Variants in ANP32A observed in about 807,000 individuals in gnomAD.
ANP32A encodes the protein acidic leucine-rich nuclear phosphoprotein 32 family member A.
A neutral mutation model predicts 33.9 loss-of-function variants in ANP32A; 1 was observed. That is an observed-to-expected ratio of 0.03 (90% CI 0.01 to 0.14). The LOEUF (loss-of-function observed/expected upper bound fraction) is 0.14. ANP32A is among the 10% of genes least tolerant of loss of function. ANP32A has a pLI of 1.00. For missense variants in ANP32A, 155 were observed against 306.0 expected (o/e 0.51, Z 3.68); for synonymous variants, 115 against 120.5 (o/e 0.95, Z 0.30).
At chr15:68,806,924 G>A (rs1457350584) in intron 1 of ANP32A, among the ~76,000 whole-genome samples, 4 of 152,244 alleles carry the variant, frequency 2.6e-5, no homozygotes, top group African/African-American at 9.6e-5. Context: ...ATCTGCCATC[G>A]TCACAGAGCT....
In ANP32A at chr15:68,820,716, C is replaced by T; in HGVS notation, c.36G>A (p.Arg12=). ...EMGRRIHLEL[R]NRTPSDVKEL... is the part of the protein sequence containing the mutation. ...TGCTCACATCAGAGGGCGTCCTGTTCCGCAGCTCTAAATGAATCCGTCTGC... is the reference window on the plus strand; with the variant it reads ...TGCTCACATCAGAGGGCGTCCTGTTTCGCAGCTCTAAATGAATCCGTCTGC... The change falls in exon 1 of 7, where the codon CGG becomes CGA. Residue 12 remains arginine, a synonymous_variant. Coordinates refer to ENST00000465139, the MANE Select transcript of ANP32A (RefSeq NM_006305.4). 2 of 1,610,960 alleles carry T rather than the reference C, an allele frequency of 1.2e-6. No homozygotes were observed. The highest frequency in any genetic ancestry group is 2.2e-5 in the East Asian group (1 of 44,624).
chr15:68,794,562 T>C (rs569498383), intron 1 of ANP32A, among the ~76,000 whole-genome samples: 1 of 152,354 alleles, frequency 6.6e-6, no homozygotes, highest in South Asian at 2.1e-4. Context: ...GGGTTTTAAA[T>C]AGGTCAGCTT....
At chr15:68,812,561 G>A (rs1894327506) in intron 1 of ANP32A, among the ~76,000 whole-genome samples, 1 of 152,202 alleles carries the variant, frequency 6.6e-6, no homozygotes, top group Admixed American at 6.5e-5. Flanking sequence ...TTGACCCTCA[G>A]TGGAGAGGCC....
intron 1 of ANP32A, chr15:68,818,360 C>T: frequency 5.7e-6 from 1 of 176,364 alleles, no homozygotes; most frequent in Non-Finnish European, 1.3e-5. Context: ...CGGGGAGGGG[C>T]GCAGGGGGCG....
chr15:68,790,051 G>C (rs183024812), intron 1 of ANP32A: 1 of 152,522 alleles, frequency 6.6e-6, no homozygotes, highest in Admixed American at 6.5e-5. Flanking sequence ...GATGGAGGGA[G>C]AGTAACTGTG....
chr15:68,818,266 C>A, intron 1 of ANP32A: 1 of 274,718 alleles, frequency 3.6e-6, no homozygotes, highest in Non-Finnish European at 7.7e-6. Context: ...CCTATTTCGG[C>A]GTCGCGGCAT....
chr15:68,803,858 G>A (rs1894174664), intron 1 of ANP32A, among the ~76,000 whole-genome samples: 1 of 136,544 alleles, frequency 7.3e-6, no homozygotes, highest in South Asian at 2.3e-4. Flanking sequence ...CTGGAGTGCA[G>A]TGGCACAATC....
chr15:68,782,161 ACT>A (rs1460163019), intron 5 of ANP32A, among the ~76,000 whole-genome samples: 2 of 152,244 alleles, frequency 1.3e-5, no homozygotes, highest in Non-Finnish European at 2.9e-5. Flanking sequence ...ATAGAAAATG[ACT>A]CTGCTACAGA....
chr15:68,813,896 G>GT (rs1196690566), intron 1 of ANP32A, among the ~76,000 whole-genome samples: 3 of 139,672 alleles, frequency 2.1e-5, no homozygotes, highest in African/African-American at 8.0e-5. Flanking sequence ...TTGAGACGGA[G>GT]TCTCGCTTTG....
intron 4 of ANP32A, among the ~76,000 whole-genome samples, chr15:68,784,026 G>C (rs533547153): frequency 1.3e-5 from 2 of 152,284 alleles, no homozygotes; most frequent in Non-Finnish European, 2.9e-5. Context: ...ACTACAGAAA[G>C]ACTGTAGAAT....
At chr15:68,795,452 A>G (rs1231190089) in intron 1 of ANP32A, among the ~76,000 whole-genome samples, 2 of 152,218 alleles carry the variant, frequency 1.3e-5, no homozygotes, top group Non-Finnish European at 2.9e-5. Context: ...GCGGTAATTA[A>G]GCTGTCTGCC....
intron 1 of ANP32A, among the ~76,000 whole-genome samples, chr15:68,808,952 C>T (rs920540612): frequency 6.6e-6 from 1 of 152,168 alleles, no homozygotes; most frequent in African/African-American, 2.4e-5. Context: ...CCTTCCAGCC[C>T]ACACATCCTG....
At chr15:68,792,505 T>C (rs189185948) in intron 1 of ANP32A, among the ~76,000 whole-genome samples, 1 of 152,340 alleles carries the variant, frequency 6.6e-6, no homozygotes, top group African/African-American at 2.4e-5. Context: ...CTGTCAGTCA[T>C]TTTTCACCAA....
chr15:68,782,865 G>A, intron 5 of ANP32A, 91 bp downstream of exon 5: 1 of 1,516,892 alleles, frequency 6.6e-7, no homozygotes, highest in Non-Finnish European at 8.8e-7. Flanking sequence ...CCTAACCAGG[G>A]CTCCGGGGCT....
chr15:68,805,268 G>A (rs1894202002), intron 1 of ANP32A, among the ~76,000 whole-genome samples: 1 of 152,236 alleles, frequency 6.6e-6, no homozygotes, highest in Non-Finnish European at 1.5e-5. Flanking sequence ...GACAGTGACG[G>A]CAGCTGGTGG....
intron 5 of ANP32A, chr15:68,781,267 CT>C (rs1893863274): frequency 6.6e-6 from 1 of 151,940 alleles, no homozygotes; most frequent in Non-Finnish European, 1.5e-5. Context: ...TGCTAAGGTT[CT>C]GGTTTTTTTT....
At chr15:68,795,104 CAT>C (rs1374944112) in intron 1 of ANP32A, among the ~76,000 whole-genome samples, 3 of 152,136 alleles carry the variant, frequency 2.0e-5, no homozygotes, top group Non-Finnish European at 4.4e-5. Context: ...TCAGAACTCA[CAT>C]CCCCAGTGGA....
chr15:68,780,599 C>T lies in ANP32A; in HGVS notation c.625-126G>A, dbSNP rs1893855799. 6.8e-7 allele frequency: 1 copy of T among 1,461,576 alleles called. No homozygotes were observed. Among genetic ancestry groups the T allele is most frequent in the South Asian group, 1.4e-5 (1 of 71,344 alleles). 90.5% of individuals were successfully genotyped at this position (1,461,576 alleles called of 1,614,324 possible). A position where few individuals can be genotyped will look rare whatever the true frequency, so the allele number is the denominator to read the frequency against. ...TCTCAGAGCCCCCACCAAGACTTGA[C>T]ATCTCGGGAGGAATGTAAAGCAGAG... is the stretch of plus-strand genomic sequence containing the variant. On this transcript the variant is annotated intron_variant, in intron 5 of 6. Transcript: ENST00000465139. The surrounding 1 kb of genome is among the most constrained non-coding windows in gnomAD (Gnocchi z 4.3).
intron 1 of ANP32A, among the ~76,000 whole-genome samples, chr15:68,795,910 G>A (rs548699819): frequency 1.3e-5 from 2 of 152,286 alleles, no homozygotes; most frequent in East Asian, 3.9e-4. Flanking sequence ...GTTTAAGAGC[G>A]TGTATAGCTC....
Sources: gnomAD v4.1 joint callset for allele counts (sites outside exome capture counted in the v4.1 genomes callset) on GRCh38, gnomAD v4.1.1 for gene constraint, Gnocchi (gnomAD v3.1) non-coding constraint, MANE v1.5 for transcripts, NCBI Gene and HGNC (gene_info 2026-07-23, HGNC 2026-07-21) for gene names.